SLC39A11: variants seen among roughly 807,000 people sequenced by gnomAD.
The protein encoded by SLC39A11 is solute carrier family 39 member 11.
A neutral mutation model predicts 36.1 loss-of-function variants in SLC39A11; 33 were observed. The observed-to-expected ratio is 0.91, with a 90% confidence interval of 0.69 to 1.22. The LOEUF is 1.22. SLC39A11 is among the 50% of genes most tolerant of loss of function. The pLI, the probability that SLC39A11 is intolerant of heterozygous loss-of-function variation, is 0.00. For synonymous variants in SLC39A11, 166 were observed against 170.3 expected, an observed-to-expected ratio of 0.97 and a Z score of 0.20; for missense variants, 432 against 430.3, an observed-to-expected ratio of 1.00 and a Z score of -0.03.
chr17:72,781,480 A>G (rs1321755693), intron 6 of SLC39A11, among the ~76,000 whole-genome samples: 4 of 151,002 alleles, frequency 2.6e-5, no homozygotes, highest in Admixed American at 6.6e-5. Context: ...CTGGAGTGCA[A>G]TGGCGCGATC....
intron 7 of SLC39A11, among the ~76,000 whole-genome samples, chr17:72,706,129 T>C (rs1480656874): frequency 6.6e-6 from 1 of 152,182 alleles, no homozygotes; most frequent in Non-Finnish European, 1.5e-5. Flanking sequence ...TGCCGACACC[T>C]TGGGTTTCAG....
At chr17:72,847,067 G>C (rs2145954125) in intron 6 of SLC39A11, among the ~76,000 whole-genome samples, 1 of 152,132 alleles carries the variant, frequency 6.6e-6, no homozygotes, top group East Asian at 1.9e-4. Context: ...GTCCATATAA[G>C]ACCCCATCTT....
intron 4 of SLC39A11, among the ~76,000 whole-genome samples, chr17:73,010,061 T>G (rs2090427727): frequency 6.6e-6 from 1 of 152,160 alleles, no homozygotes; most frequent in South Asian, 2.1e-4. Context: ...TCCAGACTCC[T>G]GCTGTGCTGC....
chr17:72,939,527 T>C (rs989207693), intron 5 of SLC39A11, among the ~76,000 whole-genome samples: 4 of 151,506 alleles, frequency 2.6e-5, no homozygotes, highest in Non-Finnish European at 4.4e-5. Context: ...TAAGAAGCAG[T>C]CATACAGGAT....
intron 7 of SLC39A11, among the ~76,000 whole-genome samples, chr17:72,713,746 C>T (rs1257281644): frequency 6.6e-6 from 1 of 152,176 alleles, no homozygotes; most frequent in East Asian, 1.9e-4. Flanking sequence ...CTGCAATGTT[C>T]TTCCATCACC....
intron 3 of SLC39A11, among the ~76,000 whole-genome samples, chr17:73,046,383 C>G (rs2059291433): frequency 6.6e-6 from 1 of 152,102 alleles, no homozygotes; most frequent in Non-Finnish European, 1.5e-5. Flanking sequence ...GCCATGATTC[C>G]TGGGAGATGG....
intron 6 of SLC39A11, among the ~76,000 whole-genome samples, chr17:72,774,220 C>G (rs2567534): frequency 0.57 from 87,041 of 152,028 alleles, 25,414 homozygotes; most frequent in African/African-American, 0.64. Context: ...GAGGAAGGCA[C>G]GGAGCAGACA....
chr17:72,895,800 C>T (rs1187763582), intron 5 of SLC39A11, among the ~76,000 whole-genome samples: 2 of 152,098 alleles, frequency 1.3e-5, no homozygotes, highest in African/African-American at 2.4e-5. Flanking sequence ...CAGCAAAACT[C>T]TAGTTGAGAA....
In SLC39A11 at chr17:72,675,808, T is replaced by C. The variant is rs556616759; in HGVS notation, c.672-26540A>G. Among the ~76,000 whole-genome samples the C allele has an allele frequency of 1.3e-4, 20 of 152,282 alleles. No individual in the cohort carries two copies. In the South Asian group the frequency reaches 2.1e-3, roughly 16 times the overall value. On this transcript the variant is annotated intron_variant, in intron 7 of 9. Coordinates refer to ENST00000255559, the MANE Select transcript of SLC39A11 (RefSeq NM_139177.4). ...AAGTGATTCTCCTGCGTCAGCCTCC[T>C]AGCTAGGATTACAAGCACGTACCAC...
At chr17:72,698,190 CT>C (rs2072409984) in intron 7 of SLC39A11, among the ~76,000 whole-genome samples, 2 of 152,090 alleles carry the variant, frequency 1.3e-5, no homozygotes, top group South Asian at 4.2e-4. Flanking sequence ...TGGGGGACTG[CT>C]TTGCAAGTTA....
intron 6 of SLC39A11, among the ~76,000 whole-genome samples, chr17:72,795,101 C>T (rs2076853077): frequency 6.6e-6 from 1 of 152,142 alleles, no homozygotes; most frequent in Admixed American, 6.5e-5. Flanking sequence ...CCTGTATTAA[C>T]AATCTACTGC....
intron 6 of SLC39A11, among the ~76,000 whole-genome samples, chr17:72,745,734 G>C (rs974919451): frequency 3.9e-5 from 6 of 152,220 alleles, no homozygotes; most frequent in African/African-American, 1.4e-4. Context: ...ATCAGTTTTA[G>C]AAGTTATAGC....
intron 7 of SLC39A11, among the ~76,000 whole-genome samples, chr17:72,707,701 C>G (rs2072948710): frequency 6.6e-6 from 1 of 152,184 alleles, no homozygotes; most frequent in Admixed American, 6.5e-5. Context: ...GGGTACACAT[C>G]CTTGTTCTGT....
chr17:73,057,685 C>G (rs1238876357), intron 3 of SLC39A11, among the ~76,000 whole-genome samples: 2 of 152,180 alleles, frequency 1.3e-5, no homozygotes, highest in Non-Finnish European at 2.9e-5. Context: ...CGCCTGTAAT[C>G]CTAGCACTTT....
chr17:72,896,104 T>C (rs1008551692), intron 5 of SLC39A11, among the ~76,000 whole-genome samples: 1 of 150,776 alleles, frequency 6.6e-6, no homozygotes, highest in Non-Finnish European at 1.5e-5. Flanking sequence ...ATTTTTGTAA[T>C]AGATAGGATT....
intron 5 of SLC39A11, among the ~76,000 whole-genome samples, chr17:72,918,969 A>G (rs747778304): frequency 2.6e-5 from 4 of 152,188 alleles, no homozygotes; most frequent in Non-Finnish European, 4.4e-5. Flanking sequence ...AGGCTGAGGC[A>G]GGAGAACTGC....
intron 7 of SLC39A11, among the ~76,000 whole-genome samples, chr17:72,660,227 G>A (rs912792314): frequency 7.9e-5 from 12 of 152,168 alleles, no homozygotes; most frequent in African/African-American, 2.4e-4. Context: ...AACCGCCTGC[G>A]GTTGAAACCA....
chr17:72,648,888 G>C lies in SLC39A11; in HGVS notation c.844C>G (p.Pro282Ala). ...FGAFAVVLAE[P>A]ILPYALAFAA... Reference sequence around the variant, plus strand: ...AAGGCCAGAGCGTAGGGCAGGATGGGCTCAGCCAGCACCACGGCAAAGGCA... The same window carrying C: ...AAGGCCAGAGCGTAGGGCAGGATGGCCTCAGCCAGCACCACGGCAAAGGCA... Residue 282 changes from proline (P) to alanine (A), a missense_variant, in exon 9 of 10, where the codon CCC becomes GCC. Physicochemically the swap from Pro to Ala is conservative, Grantham distance 27. Coordinates refer to ENST00000255559, the MANE Select transcript of SLC39A11 (RefSeq NM_139177.4). 1 of 1,614,116 alleles carries C rather than the reference G, an allele frequency of 6.2e-7. No individual in the cohort carries two copies. The highest frequency in any genetic ancestry group is 8.5e-7 in the Non-Finnish European group (1 of 1,180,024).
chr17:72,728,233 G>A (rs189961623), intron 7 of SLC39A11, among the ~76,000 whole-genome samples: 136 of 152,222 alleles, frequency 8.9e-4, no homozygotes, highest in Non-Finnish European at 1.5e-3. Flanking sequence ...GATCACTTGA[G>A]CTTAGGAGTT....
Sources: allele counts gnomAD v4.1 joint callset (sites outside exome capture counted in the v4.1 genomes callset), GRCh38; gene constraint gnomAD v4.1.1; transcripts MANE v1.5; gene names NCBI Gene and HGNC (gene_info 2026-07-23, HGNC 2026-07-21).